PRSS22: variants seen among roughly 807,000 people sequenced by gnomAD.
PRSS22 encodes brain-specific serine protease 4.
Under a neutral mutation model 28.0 loss-of-function variants are expected in PRSS22, and 26 were observed. The ratio of observed to expected loss-of-function variants is 0.93; its 90% CI spans 0.68 to 1.29. PRSS22 has a LOEUF of 1.29. PRSS22 is among the 50% of genes most tolerant of loss of function. The probability of loss-of-function intolerance (pLI) is 0.00; values close to 1 mark genes in which losing one functional copy is unlikely to be tolerated. For missense variants in PRSS22, 444 were observed against 422.1 expected (o/e 1.05, Z -0.46); for synonymous variants, 217 against 177.9 (o/e 1.22, Z -1.75).
At chr16:2,857,886 T>G in intron 1 of PRSS22, 137 bp downstream of exon 1, 2 of 586,718 alleles carry the variant, frequency 3.4e-6, no homozygotes, top group East Asian at 3.5e-5. Context: ...ACAGAGCAGT[T>G]AAGGAGCAAG....
At position 2,856,730 on chromosome 16, in the gene PRSS22, C is replaced by G. The variant is rs1435248703; in HGVS notation, c.109+92G>C. On this transcript the variant is annotated intron_variant, in intron 2 of 5. Coordinates refer to ENST00000161006, the MANE Select transcript of PRSS22 (RefSeq NM_022119.4). ...TTCCCCCTCTCACCCCAGCCCCTTTCTGACCTGTGCCCAGGGGACGGACAC... is the reference window on the plus strand; with the variant it reads ...TTCCCCCTCTCACCCCAGCCCCTTTGTGACCTGTGCCCAGGGGACGGACAC... 8 of 1,453,630 alleles carry G rather than the reference C, an allele frequency of 5.5e-6. No individual in the cohort carries two copies. In the African/African-American group the frequency reaches 1.1e-4, roughly 20 times the overall value. The allele number at this position is 1,453,630 out of a possible 1,614,324, so 90.0% of individuals were successfully genotyped here.
chr16:2,852,990 G>T lies in PRSS22; in HGVS notation c.*103C>A. 1.3e-6 allele frequency: 1 copy of T among 751,260 alleles called. No homozygotes were observed. The highest frequency in any genetic ancestry group is 2.1e-6 in the Non-Finnish European group (1 of 487,406). 46.5% of individuals were successfully genotyped at this position (751,260 alleles called of 1,614,324 possible). A position where few individuals can be genotyped will look rare whatever the true frequency, so the allele number is the denominator to read the frequency against. On this transcript the variant is annotated 3_prime_UTR_variant, in exon 6 of 6. Coordinates refer to ENST00000161006, the MANE Select transcript of PRSS22 (RefSeq NM_022119.4). ...CGGGCCCCCAGAGGTAGAGGTAGAT[G>T]AGCCTATTTACGGCGGGGGAAACCG...
chr16:2,856,400 G>T (rs1017450247), intron 2 of PRSS22, 147 bp from the exon 3 acceptor site: 49 of 818,000 alleles, frequency 6.0e-5, no homozygotes, highest in Non-Finnish European at 9.3e-5. Flanking sequence ...AGTTTCACTT[G>T]CACTCCAAGC....
Position 2,856,099 on chromosome 16 carries a change from A to C in PRSS22, c.264T>G (p.Ala88=). 1 of 1,613,962 alleles carries C rather than the reference A, an allele frequency of 6.2e-7. No individual in the cohort carries two copies. The highest frequency in any genetic ancestry group is 1.1e-5 in the South Asian group (1 of 91,084). ...GTACATACTCCTTGAAACAGTGGGC[A>C]GCAGTGATCACCCAGCGGCTGGTGA... is the stretch of plus-strand genomic sequence containing the variant. ...SLLTSRWVIT[A]AHCFKDNLNK... is the part of the protein sequence containing the mutation. The change falls in exon 3 of 6, where the codon GCT becomes GCG. Residue 88 remains alanine (A), a synonymous_variant. Coordinates refer to ENST00000161006, the MANE Select transcript of PRSS22 (RefSeq NM_022119.4).
Position 2,855,781 on chromosome 16 carries a change from A to C in PRSS22, c.352T>G (p.Ser118Ala). 1 of 1,614,022 alleles carries C rather than the reference A, an allele frequency of 6.2e-7. No individual in the cohort carries two copies. The highest frequency in any genetic ancestry group is 1.7e-5 in the Admixed American group (1 of 60,020). The change falls in exon 4 of 6, where the codon TCC becomes GCC. Residue 118 changes from serine (S) to alanine (A), a missense_variant. Ser to Ala is a moderately conservative substitution (Grantham distance 99, BLOSUM62 1). Transcript: ENST00000161006. ...AWQLGNPGSR[S>A]QKVGVAWVEP... is the part of the protein sequence containing the mutation. The stretch of plus-strand genomic sequence containing the variant: ...ACCCAGGCAACACCCACCTTCTGGG[A>C]CCGAGAGCCAGGGTTCCCCAGCTGC...
rs769336209 is a variant in PRSS22, at chr16:2,853,203, G to C, written c.844C>G (p.Arg282Gly). ...TGCACGATCTTCTCCACCCAGGAGC[G>C]GTGCGCAGAGAGGCTGATGTAGACC... is the stretch of plus-strand genomic sequence containing the variant. ...PGVYISLSAH[R>G]SWVEKIVQGV... Residue 282 changes from arginine (R) to glycine (G), a missense_variant, in exon 6 of 6, where the codon CGC becomes GGC. Coordinates refer to ENST00000161006, the MANE Select transcript of PRSS22 (RefSeq NM_022119.4). The surrounding 1 kb of genome is among the most constrained non-coding windows in gnomAD (Gnocchi z 4.6). 1.9e-6 allele frequency: 3 copies of C among 1,600,292 alleles called. No individual in the cohort carries two copies. The highest frequency in any genetic ancestry group is 2.5e-6 in the Non-Finnish European group (3 of 1,179,718).
intron 1 of PRSS22, among the ~76,000 whole-genome samples, chr16:2,857,411 G>A (rs2069472067): frequency 6.6e-6 from 1 of 151,492 alleles, no homozygotes; most frequent in Admixed American, 6.6e-5. Context: ...GCGTCCCAGC[G>A]CCCAGTGAGG....
Position 2,853,037 on chromosome 16 carries a change from G to C in PRSS22, c.*56C>G, listed in dbSNP as rs1026873984. 1.6e-6 allele frequency: 2 copies of C among 1,226,108 alleles called. No individual in the cohort carries two copies. Among genetic ancestry groups the C allele is most frequent in the African/African-American group, 3.1e-5 (2 of 64,674 alleles). The allele number at this position is 1,226,108 out of a possible 1,614,324, so 76.0% of individuals were successfully genotyped here. ...ACCGCCCGAGGCCGCCGCAGATCCA[G>C]ATCCAGATGTGGATCTGGCCGCCTT... is the stretch of plus-strand genomic sequence containing the variant. On this transcript the variant is annotated 3_prime_UTR_variant, in exon 6 of 6. Transcript: ENST00000161006. The surrounding 1 kb of genome is among the most constrained non-coding windows in gnomAD (Gnocchi z 4.6).
rs1342441439 is a variant in PRSS22, at chr16:2,855,469, C to T, written c.559+105G>A. 5 of 1,305,178 alleles carry T rather than the reference C, an allele frequency of 3.8e-6. No individual in the cohort carries two copies. The African/African-American group carries it at 7.3e-5, about 19-fold the overall frequency. 80.8% of individuals were successfully genotyped at this position (1,305,178 alleles called of 1,614,324 possible). A position where few individuals can be genotyped will look rare whatever the true frequency, so the allele number is the denominator to read the frequency against. On this transcript the variant is annotated intron_variant, in intron 4 of 5. Coordinates refer to ENST00000161006, the MANE Select transcript of PRSS22 (RefSeq NM_022119.4). ...TTCCTTCCACCTCTGTCATGCTGTG[C>T]CTCTGGCCTCCACCCTTTGTTGCTC... is the stretch of plus-strand genomic sequence containing the variant.
chr16:2,856,183 C>T lies in PRSS22; in HGVS notation c.180G>A (p.Glu60=). ...TCTGGATGCTCACGATCCAGGGCCACTCGCTGTCAGTGCTGTCCTCGCCGC... is the reference window on the plus strand; with the variant it reads ...TCTGGATGCTCACGATCCAGGGCCATTCGCTGTCAGTGCTGTCCTCGCCGC... ...VVGGEDSTDS[E]WPWIVSIQKN... is the part of the protein sequence containing the mutation. Residue 60 remains glutamate, a synonymous_variant, in exon 3 of 6, where the codon GAG becomes GAA. Coordinates refer to ENST00000161006, the MANE Select transcript of PRSS22 (RefSeq NM_022119.4). The T allele has an allele frequency of 1.2e-6, 2 of 1,613,936 alleles. No homozygotes were observed. The highest frequency in any genetic ancestry group is 1.7e-6 in the Non-Finnish European group (2 of 1,179,966).
intron 1 of PRSS22, chr16:2,857,212 CTCCCCAGCGCCTAGTGAGGAGGGT>C (rs1300210606): frequency 0.38 from 35,953 of 95,408 alleles, 9,178 homozygotes; most frequent in Admixed American, 0.5. Context: ...GTGAGGAGGG[CTCCCCAGCGCCTAGTGAGGAGGGT>C]TCCCCAGCGC....
chr16:2,857,508 C>T (rs2069473053), intron 1 of PRSS22: 2 of 182,232 alleles, frequency 1.1e-5, no homozygotes, highest in African/African-American at 4.8e-5. Flanking sequence ...CCCCAGGGCC[C>T]CTACCGGCGG....
At position 2,852,754 on chromosome 16, in the gene PRSS22, T is replaced by G; in HGVS notation, c.*339A>C. On this transcript the variant is annotated 3_prime_UTR_variant, in exon 6 of 6. Coordinates refer to ENST00000161006, the MANE Select transcript of PRSS22 (RefSeq NM_022119.4). The stretch of plus-strand genomic sequence containing the variant: ...CTGGAGAATAAATAATTTATTGAAA[T>G]TGGAGGAATAAATAAGATATGTGGG... 1 of 284,496 alleles carries G rather than the reference T, an allele frequency of 3.5e-6. No individual in the cohort carries two copies. Among genetic ancestry groups the G allele is most frequent in the Non-Finnish European group, 6.5e-6 (1 of 153,664 alleles). 17.6% of individuals were successfully genotyped at this position (284,496 alleles called of 1,614,324 possible).
Position 2,852,932 on chromosome 16 carries a change from C to T in PRSS22, c.*161G>A. On this transcript the variant is annotated 3_prime_UTR_variant, in exon 6 of 6. Coordinates refer to ENST00000161006, the MANE Select transcript of PRSS22 (RefSeq NM_022119.4). ...CGGGGCCTGAGGCCGTCGGGCGGGT[C>T]GGGGAGGGGGTTTCCTTTCCGCAGC... is the stretch of plus-strand genomic sequence containing the variant. 1.8e-6 allele frequency: 1 copy of T among 550,894 alleles called. No homozygotes were observed. The highest frequency in any genetic ancestry group is 2.2e-5 in the South Asian group (1 of 45,698). 34.1% of individuals were successfully genotyped at this position (550,894 alleles called of 1,614,324 possible).
intron 4 of PRSS22, among the ~76,000 whole-genome samples, chr16:2,855,340 C>G (rs1406593291): frequency 1.5e-5 from 1 of 67,320 alleles, no homozygotes; most frequent in South Asian, 4.0e-4. Flanking sequence ...AGAGTAACAC[C>G]CTGTCTCAAA....
rs367615149 is a variant in PRSS22, at chr16:2,855,846, A to G, written c.287T>C (p.Leu96Pro). Residue 96 changes from leucine to proline, a missense_variant, in exon 4 of 6, where the codon CTG becomes CCG. By Grantham distance (98) the Leu-to-Pro change is moderately conservative. Transcript: ENST00000161006. ...CACAGAGAACAGGTATGGTTTGTTC[A>G]GGTTGCTGGAAGGAAAGGGAAGGGG... ...ITAAHCFKDNLNKPYLFSVLL... is the reference protein window; with the variant it reads ...ITAAHCFKDNPNKPYLFSVLL... The G allele has an allele frequency of 1.1e-5, 17 of 1,610,892 alleles. No homozygotes were observed. In the African/African-American group the frequency reaches 1.9e-4, roughly 18 times the overall value.
chr16:2,856,404 T>TCCAAGCTCCACCCACACC (rs1207575229), intron 2 of PRSS22, 151 bp from the exon 3 acceptor site: 2 of 798,976 alleles, frequency 2.5e-6, no homozygotes, highest in Admixed American at 2.4e-5. Context: ...TCACTTGCAC[T>TCCAAGCTCCACCCACACC]CCAAGCTCCA....
chr16:2,857,233 G>GA, intron 1 of PRSS22: 1 of 170,076 alleles, frequency 5.9e-6, no homozygotes, highest in East Asian at 9.5e-5. Flanking sequence ...CTAGTGAGGA[G>GA]GGTTCCCCAG....
chr16:2,854,076 C>A, intron 4 of PRSS22, 54 bp from the exon 5 acceptor site: 1 of 1,594,576 alleles, frequency 6.3e-7, no homozygotes, highest in East Asian at 2.2e-5. Context: ...CTCGTTGCCT[C>A]CTCAAAGGAC....
Sources: gnomAD v4.1 joint callset for allele counts (sites outside exome capture counted in the v4.1 genomes callset) on GRCh38, gnomAD v4.1.1 for gene constraint, Gnocchi (gnomAD v3.1) non-coding constraint, MANE v1.5 for transcripts, NCBI Gene and HGNC (gene_info 2026-07-23, HGNC 2026-07-21) for gene names.